UBASH3B: variants seen among roughly 807,000 people sequenced by gnomAD.
UBASH3B encodes the protein ubiquitin associated and SH3 domain containing B.
UBASH3B carries 37 observed loss-of-function variants against 83.4 expected under a neutral mutation model. That is an observed-to-expected ratio of 0.44 (90% CI 0.34 to 0.58). The LOEUF is 0.58. Ranked by LOEUF, UBASH3B falls within the 20% of genes least tolerant of loss-of-function variation. The pLI, the probability that UBASH3B is intolerant of heterozygous loss-of-function variation, is 0.01. For synonymous variants in UBASH3B, 304 were observed against 318.3 expected (o/e 0.96, Z 0.48); for missense variants, 657 against 827.2 (o/e 0.79, Z 2.52).
At position 122,722,692 on chromosome 11, in the gene UBASH3B, T is replaced by G. The variant is rs11218774; in HGVS notation, c.162-53527T>G. ...CTAGGGGGTTACCCTTTAAGCATAA[T>G]ATTCAGATCTGGTATTTCTTTTTTT... On this transcript the variant is annotated intron_variant, in intron 1 of 13. Coordinates refer to ENST00000284273, the MANE Select transcript of UBASH3B (RefSeq NM_032873.5). 7.1e-3 allele frequency among the ~76,000 whole-genome samples: 1,070 copies of G among 151,192 alleles called. 11 individuals carry two copies. The highest frequency in any genetic ancestry group is 0.025 in the African/African-American group (1,024 of 41,376).
chr11:122,686,316 A>G (rs1186429365), intron 1 of UBASH3B, among the ~76,000 whole-genome samples: 1 of 152,224 alleles, frequency 6.6e-6, no homozygotes, highest in Non-Finnish European at 1.5e-5. Context: ...CCAAGGAGAA[A>G]TATGTAAGCA....
chr11:122,777,079 G>A lies in UBASH3B; in HGVS notation c.271G>A (p.Val91Ile), dbSNP rs373182486. The A allele has an allele frequency of 3.2e-5, 51 of 1,613,760 alleles. No individual in the cohort carries two copies. The highest frequency in any genetic ancestry group is 2.7e-4 in the East Asian group (12 of 44,852). Residue 91 changes from valine (V) to isoleucine (I), a missense_variant, in exon 3 of 14, where the codon GTC (valine) becomes ATC (isoleucine). Val to Ile is a conservative substitution (Grantham distance 29). Around this residue, in one of 3 missense-constraint regions of UBASH3B, gnomAD observed 573 missense variants for 739.0 expected, o/e 0.78. Transcript: ENST00000284273. ...GGATGACCCCCTGCCCCGGGAGTAC[G>A]TCCTCTACCTCCGTCCCACCGGCCC... ...FLDDPLPREY[V>I]LYLRPTGPLA...
At chr11:122,757,858 C>T (rs915604110) in intron 1 of UBASH3B, among the ~76,000 whole-genome samples, 6 of 151,890 alleles carry the variant, frequency 4.0e-5, no homozygotes, top group African/African-American at 9.7e-5. Flanking sequence ...GGATTACAGG[C>T]GCCTGCCACC....
chr11:122,710,982 G>A (rs1864183672), intron 1 of UBASH3B, among the ~76,000 whole-genome samples: 1 of 152,138 alleles, frequency 6.6e-6, no homozygotes, highest in Non-Finnish European at 1.5e-5. Context: ...AGGAAACATT[G>A]GTCTTGACTC....
At chr11:122,801,430 C>T in intron 11 of UBASH3B, 98 bp downstream of exon 11, 1 of 1,382,578 alleles carries the variant, frequency 7.2e-7, no homozygotes, top group South Asian at 1.4e-5. Flanking sequence ...CTGGACATCA[C>T]CTACAGGCAG....
intron 1 of UBASH3B, among the ~76,000 whole-genome samples, chr11:122,721,817 G>T (rs576825618): frequency 1.2e-4 from 18 of 152,246 alleles, no homozygotes; most frequent in Admixed American, 9.2e-4. Context: ...TGGCAAATCC[G>T]TTAATGCATT....
At chr11:122,721,105 C>T (rs1441821871) in intron 1 of UBASH3B, among the ~76,000 whole-genome samples, 2 of 151,826 alleles carry the variant, frequency 1.3e-5, no homozygotes, top group Admixed American at 1.3e-4. Flanking sequence ...ATTAGCCAGG[C>T]GTGGTGGCGT....
At chr11:122,721,907 C>T (rs1295468188) in intron 1 of UBASH3B, among the ~76,000 whole-genome samples, 1 of 151,880 alleles carries the variant, frequency 6.6e-6, no homozygotes, top group Non-Finnish European at 1.5e-5. Flanking sequence ...GCTTCTTTTT[C>T]TTAAGGAGTC....
intron 1 of UBASH3B, among the ~76,000 whole-genome samples, chr11:122,702,346 G>T (rs1026879545): frequency 2.6e-5 from 4 of 152,098 alleles, no homozygotes; most frequent in Non-Finnish European, 4.4e-5. Context: ...ACTTAAAGGA[G>T]GCCAGAGAAT....
In UBASH3B at chr11:122,656,107, A is replaced by G; in HGVS notation, c.58A>G (p.Ser20Gly). Residue 20 changes from serine (S) to glycine (G), a missense_variant, in exon 1 of 14, where the codon AGC becomes GGC. By Grantham distance (56) the Ser-to-Gly change is moderately conservative. Around this residue, in one of 3 missense-constraint regions of UBASH3B, gnomAD observed 78 missense variants for 68.4 expected, o/e 1.14. Coordinates refer to ENST00000284273, the MANE Select transcript of UBASH3B (RefSeq NM_032873.5). The part of the protein sequence containing the change: ...LGMAAREELY[S>G]KVTPRRNRQQ... ...CATGGCTGCGAGAGAGGAGCTGTAC[A>G]GCAAAGTCACCCCCCGGAGGAACCG... 1 of 1,602,572 alleles carries G rather than the reference A, an allele frequency of 6.2e-7. No homozygotes were observed. Among genetic ancestry groups the G allele is most frequent in the Non-Finnish European group, 8.5e-7 (1 of 1,175,676 alleles).
chr11:122,719,813 C>T (rs114649846), intron 1 of UBASH3B, among the ~76,000 whole-genome samples: 1 of 152,172 alleles, frequency 6.6e-6, no homozygotes, highest in African/African-American at 2.4e-5. Flanking sequence ...CTAATGGCCA[C>T]AGTAGTGCCA....
In UBASH3B at chr11:122,809,735, G is replaced by C. The variant is rs757223461; in HGVS notation, c.1813-14G>C. 1.2e-6 allele frequency: 2 copies of C among 1,613,584 alleles called. No homozygotes were observed. Among genetic ancestry groups the C allele is most frequent in the Non-Finnish European group, 1.7e-6 (2 of 1,179,894 alleles). On this transcript the variant is annotated splice_polypyrimidine_tract_variant and intron_variant, in intron 13 of 13. Transcript: ENST00000284273. ...ATCTCCTAATATCCCCTTTCTTTAC[G>C]ACTCTTACTTCAGATCCCATATCTG...
At chr11:122,713,159 G>A (rs12577970) in intron 1 of UBASH3B, among the ~76,000 whole-genome samples, 47,595 of 151,686 alleles carry the variant, frequency 0.31, 8,201 homozygotes, top group East Asian at 0.68. Context: ...CGCCCACTTC[G>A]GCCTCCCAAA....
At chr11:122,734,942 C>T (rs1300344916) in intron 1 of UBASH3B, among the ~76,000 whole-genome samples, 1 of 148,474 alleles carries the variant, frequency 6.7e-6, no homozygotes, top group Non-Finnish European at 1.5e-5. Context: ...ACAGTTTTTT[C>T]TAACTTCCTG....
At chr11:122,805,363 CT>C (rs2135189475) in intron 11 of UBASH3B, among the ~76,000 whole-genome samples, 1 of 152,204 alleles carries the variant, frequency 6.6e-6, no homozygotes, top group Non-Finnish European at 1.5e-5. Flanking sequence ...AACCCTGTCT[CT>C]ACTAAAAACA....
intron 6 of UBASH3B, among the ~76,000 whole-genome samples, chr11:122,792,452 A>G (rs1565567707): frequency 1.3e-5 from 2 of 151,770 alleles, no homozygotes; most frequent in African/African-American, 4.8e-5. Context: ...CCGAGTAGCC[A>G]GGACTACAGG....
rs1332509112 is a variant in UBASH3B, at chr11:122,813,386, G to A, written c.*3500G>A. ...GGCTTCCCTATGTGGTAAAAGAAAGGCATTCCTCCGTAACCTAGGCACTCT... is the reference window on the plus strand; with the variant it reads ...GGCTTCCCTATGTGGTAAAAGAAAGACATTCCTCCGTAACCTAGGCACTCT... On this transcript the variant is annotated 3_prime_UTR_variant, in exon 14 of 14. Coordinates refer to ENST00000284273, the MANE Select transcript of UBASH3B (RefSeq NM_032873.5). The A allele has an allele frequency of 6.6e-6, 1 of 152,144 alleles. No individual in the cohort carries two copies. The highest frequency in any genetic ancestry group is 1.9e-4 in the East Asian group (1 of 5,194). The allele number at this position is 152,144 out of a possible 1,614,324, so 9.4% of individuals were successfully genotyped here.
At position 122,718,075 on chromosome 11, in the gene UBASH3B, C is replaced by T. The variant is rs191574658; in HGVS notation, c.162-58144C>T. ...TAGCTGGGATTACAGGCACCCACTA[C>T]CAAGTCTGGCTAATTTTTGTATTTT... is the stretch of plus-strand genomic sequence containing the variant. On this transcript the variant is annotated intron_variant, in intron 1 of 13. Coordinates refer to ENST00000284273, the MANE Select transcript of UBASH3B (RefSeq NM_032873.5). 2.4e-3 allele frequency among the ~76,000 whole-genome samples: 364 copies of T among 152,188 alleles called. 2 individuals are homozygous for T. The highest frequency in any genetic ancestry group is 8.0e-3 in the African/African-American group (331 of 41,522).
intron 5 of UBASH3B, among the ~76,000 whole-genome samples, chr11:122,784,418 G>A (rs4935814): frequency 0.25 from 38,543 of 151,950 alleles, 5,073 homozygotes; most frequent in Admixed American, 0.32. Flanking sequence ...CCAGCACTTT[G>A]GGAGGCTGAG....
Sources: allele counts gnomAD v4.1 joint callset (sites outside exome capture counted in the v4.1 genomes callset), GRCh38; gene constraint gnomAD v4.1.1; regional missense constraint gnomAD v4.1.1; transcripts MANE v1.5; gene names NCBI Gene and HGNC (gene_info 2026-07-23, HGNC 2026-07-21).